TCF4: variants seen among roughly 807,000 people sequenced by gnomAD.
TCF4 encodes transcription factor 4.
Under a neutral mutation model 82.1 loss-of-function variants are expected in TCF4, and 3 were observed. The ratio of observed to expected loss-of-function variants is 0.04; its 90% CI spans 0.02 to 0.09. The LOEUF is 0.09. Among genes scored for constraint, TCF4 ranks in the 10% least tolerant of loss-of-function variants. The probability of loss-of-function intolerance (pLI) is 1.00; values close to 1 mark genes in which losing one functional copy is unlikely to be tolerated. For synonymous variants in TCF4, 276 were observed against 309.6 expected (o/e 0.89, Z 1.14); for missense variants, 518 against 852.7 (o/e 0.61, Z 4.89).
rs1181653084 is a variant in TCF4, at chr18:55,227,740, C to G, written c.*295G>C. 1 of 155,200 alleles carries G rather than the reference C, an allele frequency of 6.4e-6. No homozygotes were observed. 9.6% of individuals were successfully genotyped at this position (155,200 alleles called of 1,614,324 possible). ...TTGTTCCACAGTGTGGAAAGATTGC[C>G]GTTCAGTCTCTGGGCTGTGTCTCAG... On this transcript the variant is annotated 3_prime_UTR_variant, in exon 20 of 20. Coordinates refer to ENST00000354452, the MANE Select transcript of TCF4 (RefSeq NM_001083962.2).
intron 8 of TCF4, among the ~76,000 whole-genome samples, chr18:55,295,109 T>G (rs1439790528): frequency 6.6e-6 from 1 of 152,194 alleles, no homozygotes; most frequent in African/African-American, 2.4e-5. Context: ...GCGCACTGAC[T>G]GCTTGAAAAA....
intron 8 of TCF4, among the ~76,000 whole-genome samples, chr18:55,338,461 C>G (rs952584593): frequency 6.6e-6 from 1 of 152,174 alleles, no homozygotes; most frequent in African/African-American, 2.4e-5. Context: ...ATTCCACACT[C>G]TAGTCTAACT....
At chr18:55,321,671 G>T in intron 8 of TCF4, 1 of 1,536,068 alleles carries the variant, frequency 6.5e-7, no homozygotes, top group South Asian at 1.2e-5. Context: ...TTCGCTTACC[G>T]CTTTCCCATT....
chr18:55,569,212 C>CA (rs139870092), intron 3 of TCF4, among the ~76,000 whole-genome samples: 46 of 129,212 alleles, frequency 3.6e-4, no homozygotes, highest in East Asian at 1.6e-3. Context: ...ACAGTAAAGA[C>CA]AAAAAAAAAA....
At position 55,224,847 on chromosome 18, in the gene TCF4, C is replaced by G. The variant is rs1272142552; in HGVS notation, c.*3188G>C. On this transcript the variant is annotated 3_prime_UTR_variant, in exon 20 of 20. Transcript: ENST00000354452. Reference sequence around the variant, plus strand: ...TTACTTGAATGTGGAGGTGGATCAACTGCTCCAAGTTGCTTTTAAAGTCCG... The same window carrying G: ...TTACTTGAATGTGGAGGTGGATCAAGTGCTCCAAGTTGCTTTTAAAGTCCG... 1.3e-5 allele frequency: 2 copies of G among 152,692 alleles called. No homozygotes were observed. The highest frequency in any genetic ancestry group is 2.9e-5 in the Non-Finnish European group (2 of 67,992). The allele number at this position is 152,692 out of a possible 1,614,324, so 9.5% of individuals were successfully genotyped here. A position where few individuals can be genotyped will look rare whatever the true frequency, so the allele number is the denominator to read the frequency against.
At chr18:55,596,753 A>T (rs938790502) in intron 2 of TCF4, among the ~76,000 whole-genome samples, 3 of 152,334 alleles carry the variant, frequency 2.0e-5, no homozygotes, top group Non-Finnish European at 4.4e-5. Flanking sequence ...GCATCATAAC[A>T]AGAGTATTGC....
chr18:55,401,629 G>GTATT (rs1337393460), intron 6 of TCF4: 6 of 989,056 alleles, frequency 6.1e-6, no homozygotes, highest in African/African-American at 1.7e-5. Flanking sequence ...CCCGAGGGAA[G>GTATT]TATTCCCCAC....
At chr18:55,372,412 C>A (rs1051195379) in intron 6 of TCF4, among the ~76,000 whole-genome samples, 2 of 151,184 alleles carry the variant, frequency 1.3e-5, no homozygotes, top group Non-Finnish European at 2.9e-5. Flanking sequence ...GAGTGTGATG[C>A]AATAATCGGG....
chr18:55,467,136 G>GA (rs1409850523), intron 3 of TCF4, among the ~76,000 whole-genome samples: 1 of 151,912 alleles, frequency 6.6e-6, no homozygotes, highest in African/African-American at 2.4e-5. Context: ...TTTTACCTTT[G>GA]AAAAAAATCT....
At chr18:55,328,135 G>A (rs2076893498) in intron 8 of TCF4, among the ~76,000 whole-genome samples, 2 of 152,062 alleles carry the variant, frequency 1.3e-5, no homozygotes, top group Admixed American at 1.3e-4. Context: ...TAATTACACT[G>A]GAACCTACAC....
intron 5 of TCF4, among the ~76,000 whole-genome samples, chr18:55,443,556 T>C (rs1384679515): frequency 6.6e-6 from 1 of 152,224 alleles, no homozygotes; most frequent in African/African-American, 2.4e-5. Context: ...CTTGTTTTAG[T>C]TCTTTTCTCA....
At chr18:55,476,388 G>A (rs2096288791) in intron 3 of TCF4, among the ~76,000 whole-genome samples, 1 of 152,188 alleles carries the variant, frequency 6.6e-6, no homozygotes, top group Non-Finnish European at 1.5e-5. Flanking sequence ...TATTGAGTGA[G>A]TTAACTTGTT....
intron 13 of TCF4, 148 bp from the exon 14 acceptor site, chr18:55,257,539 G>C: frequency 1.3e-6 from 1 of 741,914 alleles, no homozygotes; most frequent in South Asian, 1.6e-5. Flanking sequence ...TCCCATATAA[G>C]AATTTTGGGA....
intron 6 of TCF4, chr18:55,401,287 T>G (rs1401771646): frequency 8.4e-7 from 1 of 1,189,182 alleles, no homozygotes; most frequent in Non-Finnish European, 1.1e-6. Context: ...TATTTATCCC[T>G]AAGTAATCAC....
intron 6 of TCF4, among the ~76,000 whole-genome samples, chr18:55,352,523 T>A (rs2082529410): frequency 6.6e-6 from 1 of 152,156 alleles, no homozygotes; most frequent in Non-Finnish European, 1.5e-5. Context: ...GGATGAGATT[T>A]CAGATTGAAA....
At chr18:55,400,964 G>T (rs1359870537) in intron 6 of TCF4, 1 of 1,288,896 alleles carries the variant, frequency 7.8e-7, no homozygotes, top group Non-Finnish European at 1.0e-6. Context: ...GTAGTAAACA[G>T]AAGAAAACAA....
chr18:55,610,707 T>G (rs1248035593), intron 2 of TCF4, among the ~76,000 whole-genome samples: 1 of 152,178 alleles, frequency 6.6e-6, no homozygotes, highest in Non-Finnish European at 1.5e-5. Context: ...AGGGAAGTGG[T>G]TCACATGGCA....
chr18:55,504,011 T>C (rs2096727474), intron 3 of TCF4, among the ~76,000 whole-genome samples: 1 of 152,132 alleles, frequency 6.6e-6, no homozygotes, highest in South Asian at 2.1e-4. Flanking sequence ...GAGGCAGAAG[T>C]TGCAGTGAGA....
chr18:55,370,982 CT>C (rs1431143199), intron 6 of TCF4, among the ~76,000 whole-genome samples: 1 of 152,160 alleles, frequency 6.6e-6, no homozygotes, highest in African/African-American at 2.4e-5. Context: ...TTTCTTATAA[CT>C]TTTGCATTGA....
Sources: allele counts gnomAD v4.1 joint callset (sites outside exome capture counted in the v4.1 genomes callset), GRCh38; gene constraint gnomAD v4.1.1; transcripts MANE v1.5; gene names NCBI Gene and HGNC (gene_info 2026-07-23, HGNC 2026-07-21).